Variants in RAB22A observed in about 807,000 individuals in gnomAD.
RAB22A encodes RAB22A, member RAS oncogene family, also known as ras-related protein Rab-22A.
In RAB22A, 13 loss-of-function variants were observed where a neutral mutation model predicts 30.2. That is an observed-to-expected ratio of 0.43 (90% CI 0.28 to 0.68). The LOEUF (loss-of-function observed/expected upper bound fraction) is 0.68. Ranked by LOEUF, RAB22A falls within the 30% of genes least tolerant of loss-of-function variation. The probability of loss-of-function intolerance (pLI) is 0.18; values close to 1 mark genes in which losing one functional copy is unlikely to be tolerated. For synonymous variants in RAB22A, 89 were observed against 87.2 expected (o/e 1.02, Z -0.11); for missense variants, 177 against 246.8 (o/e 0.72, Z 1.89).
rs574887086 is a variant in RAB22A, at chr20:58,363,340, T to C, written c.*3637T>C. The C allele has an allele frequency of 1.3e-5, 2 of 152,348 alleles. No homozygotes were observed. The highest frequency in any genetic ancestry group is 4.1e-4 in the South Asian group (2 of 4,830). 9.4% of individuals were successfully genotyped at this position (152,348 alleles called of 1,614,324 possible). A position where few individuals can be genotyped will look rare whatever the true frequency, so the allele number is the denominator to read the frequency against. On this transcript the variant is annotated 3_prime_UTR_variant, in exon 7 of 7. Transcript: ENST00000244040. ...GGCCCTTAAGAGTATAAGATATAGG[T>C]GCACAGTATGTTACTTAAGTAACGG...
At chr20:58,358,473 A>G (rs546966139) in intron 6 of RAB22A, among the ~76,000 whole-genome samples, 41 of 152,388 alleles carry the variant, frequency 2.7e-4, no homozygotes, top group African/African-American at 9.4e-4. Flanking sequence ...TCGTAAGTTC[A>G]GAAAGATGCT....
chr20:58,353,528 A>T lies in RAB22A; in HGVS notation c.367A>T (p.Ile123Phe). The T allele has an allele frequency of 6.3e-7, 1 of 1,598,592 alleles. No individual in the cohort carries two copies. Among genetic ancestry groups the T allele is most frequent in the Non-Finnish European group, 8.6e-7 (1 of 1,165,888 alleles). ...VAIAGNKCDL[I>F]DVREVMERDA... ...CATTGCAGGAAATAAATGTGATCTTATCGATGTAAGGTAAGTTATTAGAAC... is the reference window on the plus strand; with the variant it reads ...CATTGCAGGAAATAAATGTGATCTTTTCGATGTAAGGTAAGTTATTAGAAC... The change falls in exon 5 of 7, where the codon ATC becomes TTC. Residue 123 changes from isoleucine (I) to phenylalanine (F), a missense_variant. Coordinates refer to ENST00000244040, the MANE Select transcript of RAB22A (RefSeq NM_020673.3).
rs1309191519 is a variant in RAB22A, at chr20:58,309,900, G to A, written c.-77G>A. 5.6e-5 allele frequency: 69 copies of A among 1,228,100 alleles called. No individual in the cohort carries two copies. Among genetic ancestry groups the A allele is most frequent in the Non-Finnish European group, 6.8e-5 (66 of 970,504 alleles). 76.1% of individuals were successfully genotyped at this position (1,228,100 alleles called of 1,614,324 possible). On this transcript the variant is annotated 5_prime_UTR_variant, in exon 1 of 7. Coordinates refer to ENST00000244040, the MANE Select transcript of RAB22A (RefSeq NM_020673.3). ...GGCCGTGCGGCGGCAGCGGCGCCAG[G>A]GGATGCTCTTGCTGGGCCTGGCCTC...
At chr20:58,316,741 C>T (rs1223315182) in intron 2 of RAB22A, among the ~76,000 whole-genome samples, 1 of 152,214 alleles carries the variant, frequency 6.6e-6, no homozygotes, top group African/African-American at 2.4e-5. Context: ...CCCATAGACA[C>T]CTAGGGACTG....
intron 2 of RAB22A, among the ~76,000 whole-genome samples, chr20:58,319,193 A>G (rs796443504): frequency 1.3e-5 from 2 of 152,326 alleles, no homozygotes; most frequent in Non-Finnish European, 2.9e-5. Flanking sequence ...ACGAGTAGAA[A>G]CAGATCACAG....
intron 2 of RAB22A, among the ~76,000 whole-genome samples, chr20:58,314,188 A>G (rs565828386): frequency 1.7e-4 from 26 of 152,036 alleles, no homozygotes; most frequent in African/African-American, 6.3e-4. Context: ...AGTTGGGACT[A>G]TAGGCGCACA....
At chr20:58,326,702 G>T (rs2122937998) in intron 2 of RAB22A, among the ~76,000 whole-genome samples, 1 of 152,228 alleles carries the variant, frequency 6.6e-6, no homozygotes, top group South Asian at 2.1e-4. Context: ...AGTTGGTAGG[G>T]TAGATGCTTC....
chr20:58,316,109 G>T (rs1031942089), intron 2 of RAB22A, among the ~76,000 whole-genome samples: 12 of 152,064 alleles, frequency 7.9e-5, no homozygotes, highest in Admixed American at 2.0e-4. Context: ...ATTCCTGATT[G>T]TCTGTGCAAA....
At chr20:58,349,769 T>G (rs1305569461) in intron 3 of RAB22A, among the ~76,000 whole-genome samples, 1 of 152,098 alleles carries the variant, frequency 6.6e-6, no homozygotes, top group African/African-American at 2.4e-5. Context: ...ACCAGTAACT[T>G]AATACTCTTC....
chr20:58,311,257 G>T, intron 2 of RAB22A, 135 bp downstream of exon 2: 2 of 833,214 alleles, frequency 2.4e-6, no homozygotes, highest in Non-Finnish European at 4.0e-6. Context: ...TCTCTGGAAG[G>T]ACTTGAAAGA....
chr20:58,322,364 G>A (rs544542413), intron 2 of RAB22A, among the ~76,000 whole-genome samples: 10 of 151,866 alleles, frequency 6.6e-5, no homozygotes, highest in African/African-American at 1.9e-4. Context: ...AGACCTCCAC[G>A]GTCTAGTACA....
intron 2 of RAB22A, among the ~76,000 whole-genome samples, chr20:58,315,037 A>G (rs1986307783): frequency 1.3e-5 from 2 of 151,808 alleles, no homozygotes; most frequent in Non-Finnish European, 2.9e-5. Context: ...ACCAGGAGAG[A>G]CGGCAGGGTG....
At chr20:58,352,493 C>T (rs1288190346) in intron 3 of RAB22A, among the ~76,000 whole-genome samples, 2 of 152,182 alleles carry the variant, frequency 1.3e-5, no homozygotes, top group African/African-American at 2.4e-5. Flanking sequence ...GTGAGATGCT[C>T]ACATAGGACG....
intron 2 of RAB22A, among the ~76,000 whole-genome samples, chr20:58,338,364 C>T (rs1986797385): frequency 2.6e-5 from 4 of 152,052 alleles, no homozygotes; most frequent in Admixed American, 2.6e-4. Context: ...AAATATTTTC[C>T]AAAAAGTTTT....
At chr20:58,347,876 A>G (rs1212411819) in intron 3 of RAB22A, among the ~76,000 whole-genome samples, 3 of 152,138 alleles carry the variant, frequency 2.0e-5, no homozygotes, top group African/African-American at 4.8e-5. Flanking sequence ...TCATAAATAC[A>G]CCATACCTGT....
At chr20:58,347,309 T>C (rs185784562) in intron 3 of RAB22A, among the ~76,000 whole-genome samples, 1 of 152,334 alleles carries the variant, frequency 6.6e-6, no homozygotes, top group East Asian at 1.9e-4. Flanking sequence ...AAAGTGATTT[T>C]GGAGAATTTC....
At chr20:58,321,360 G>A (rs529404131) in intron 2 of RAB22A, among the ~76,000 whole-genome samples, 26 of 151,676 alleles carry the variant, frequency 1.7e-4, no homozygotes, top group African/African-American at 6.3e-4. Context: ...TGAGAACTCC[G>A]TGTCAAAAAA....
rs555454065 is a variant in RAB22A, at chr20:58,348,989, A to G, written c.199-4284A>G. On this transcript the variant is annotated intron_variant, in intron 3 of 6. Coordinates refer to ENST00000244040, the MANE Select transcript of RAB22A (RefSeq NM_020673.3). ...TGTGACCCATAAAGCCAAAATATTC[A>G]CTACCTGGTCTTTACCAGAAAAAGT... Among the ~76,000 whole-genome samples the G allele has an allele frequency of 2.6e-5, 4 of 152,328 alleles. No individual in the cohort carries two copies. In the East Asian group the frequency reaches 7.7e-4, roughly 29 times the overall value.
At chr20:58,320,713 A>G (rs1293285892) in intron 2 of RAB22A, among the ~76,000 whole-genome samples, 3 of 152,174 alleles carry the variant, frequency 2.0e-5, no homozygotes, top group Admixed American at 6.5e-5. Flanking sequence ...CTAATTCCCA[A>G]TTCTTTGGGT....
Sources: allele counts gnomAD v4.1 joint callset (sites outside exome capture counted in the v4.1 genomes callset), GRCh38; gene constraint gnomAD v4.1.1; transcripts MANE v1.5; gene names NCBI Gene and HGNC (gene_info 2026-07-23, HGNC 2026-07-21).